The following PSG5 variants were observed in gnomAD, a reference collection of about 807,000 sequenced individuals.
The protein encoded by PSG5 is pregnancy-specific beta-1-glycoprotein 5.
A neutral mutation model predicts 37.7 loss-of-function variants in PSG5; 53 were observed. The ratio of observed to expected loss-of-function variants is 1.41; its 90% CI spans 1.13 to 1.77. PSG5 has a LOEUF of 1.77. Among genes scored for constraint, PSG5 ranks in the 40% most tolerant of loss-of-function variants. The probability of loss-of-function intolerance (pLI) is 0.00; values close to 1 mark genes in which losing one functional copy is unlikely to be tolerated. For missense variants in PSG5, 547 were observed against 405.2 expected (o/e 1.35, Z -3.00); for synonymous variants, 221 against 155.4 (o/e 1.42, Z -3.14).
chr19:43,185,734 G>A (rs1293709843), intron 1 of PSG5, among the ~76,000 whole-genome samples: 1 of 151,550 alleles, frequency 6.6e-6, no homozygotes, highest in East Asian at 1.9e-4. Context: ...CCACACCCTT[G>A]GTGTTTTATT....
intron 4 of PSG5, among the ~76,000 whole-genome samples, chr19:43,172,849 A>G (rs1968932761): frequency 6.6e-6 from 1 of 151,604 alleles, no homozygotes; most frequent in Non-Finnish European, 1.5e-5. Flanking sequence ...TCAGAATCTC[A>G]GTGACATTTT....
chr19:43,171,525 G>A (rs1372082994), intron 4 of PSG5: 6 of 312,296 alleles, frequency 1.9e-5, no homozygotes, highest in Non-Finnish European at 3.6e-5. Flanking sequence ...AAGGATTAGA[G>A]TGGACATAAA....
intron 2 of PSG5, among the ~76,000 whole-genome samples, chr19:43,181,346 A>G (rs2122232724): frequency 6.6e-6 from 1 of 151,832 alleles, no homozygotes; most frequent in African/African-American, 2.4e-5. Context: ...ACTCTTATTG[A>G]ACTTTCCTTT....
In PSG5 at chr19:43,173,123, A is replaced by T. The variant is rs1968937700; in HGVS notation, c.964+2092T>A. On this transcript the variant is annotated intron_variant, in intron 4 of 5. Coordinates refer to ENST00000342951, the MANE Select transcript of PSG5 (RefSeq NM_002781.4). ...AGTGTTCCAAGATCATTCAATGGGG[A>T]ACGGACAGTGTTCTCACCAAATGAT... Among the ~76,000 whole-genome samples the T allele has an allele frequency of 5.9e-5, 9 of 151,784 alleles. No homozygotes were observed. In the South Asian group the frequency reaches 1.9e-3, roughly 31 times the overall value.
At chr19:43,175,717 C>T in intron 3 of PSG5, 153 bp downstream of exon 3, 1 of 1,469,822 alleles carries the variant, frequency 6.8e-7, no homozygotes, top group African/African-American at 1.4e-5. Context: ...CTGTGCCTAC[C>T]TAGGTTTTCC....
At position 43,185,134 on chromosome 19, in the gene PSG5, G is replaced by A. The variant is rs2122246126; in HGVS notation, c.78C>T (p.Asn26=). The change falls in exon 2 of 6, where the codon AAC becomes AAT. Residue 26 remains asparagine (N), a synonymous_variant. Coordinates refer to ENST00000342951, the MANE Select transcript of PSG5 (RefSeq NM_002781.4). ...GAGCAGTGATAGGCAGGTTCCAGAA[G>A]TTTAAAAGTGATGCTAGGAGGTGGA... is the stretch of plus-strand genomic sequence containing the variant. ...KGLLLTASLL[N]FWNLPITAQV... The A allele has an allele frequency of 1.9e-6, 3 of 1,605,190 alleles. 1 individual carries two copies. In the South Asian group the frequency reaches 3.3e-5, roughly 18 times the overall value.
In PSG5 at chr19:43,180,039, T is replaced by C. The variant is rs138524641; in HGVS notation, c.431-3891A>G. On this transcript the variant is annotated intron_variant, in intron 2 of 5. Transcript: ENST00000342951. ...AAGTCTGGCCCTCATGGACCATATGTGTTTGGTGGATATTAGACCAATATT... is the reference window on the plus strand; with the variant it reads ...AAGTCTGGCCCTCATGGACCATATGCGTTTGGTGGATATTAGACCAATATT... 1.3e-3 allele frequency among the ~76,000 whole-genome samples: 197 copies of C among 151,736 alleles called. 4 individuals carry two copies. Among genetic ancestry groups the C allele is most frequent in the Middle Eastern group, 0.01 (3 of 294 alleles).
At chr19:43,177,225 T>C (rs930562380) in intron 2 of PSG5, among the ~76,000 whole-genome samples, 3 of 151,474 alleles carry the variant, frequency 2.0e-5, no homozygotes, top group African/African-American at 7.3e-5. Flanking sequence ...TGTTCATGGG[T>C]GTGCAGTTTC....
At position 43,179,228 on chromosome 19, in the gene PSG5, G is replaced by C. The variant is rs1050700374; in HGVS notation, c.431-3080C>G. The C allele has an allele frequency of 1.9e-4, 274 of 1,460,838 alleles. 7 individuals carry two copies. The highest frequency in any genetic ancestry group is 2.5e-4 in the Admixed American group (13 of 53,028). The allele number at this position is 1,460,838 out of a possible 1,614,324, so 90.5% of individuals were successfully genotyped here. A position where few individuals can be genotyped will look rare whatever the true frequency, so the allele number is the denominator to read the frequency against. On this transcript the variant is annotated intron_variant, in intron 2 of 5. Transcript: ENST00000342951. Reference sequence around the variant, plus strand: ...TTCCTCCAAAGGCACTTTTCAATCAGAGTTGGCATTTCCCACCTGTCAGCC... The same window carrying C: ...TTCCTCCAAAGGCACTTTTCAATCACAGTTGGCATTTCCCACCTGTCAGCC...
At chr19:43,177,687 G>T (rs1401764728) in intron 2 of PSG5, among the ~76,000 whole-genome samples, 1 of 151,440 alleles carries the variant, frequency 6.6e-6, no homozygotes, top group African/African-American at 2.4e-5. Context: ...CTCAGTGTTT[G>T]TGTTGTGGCA....
At chr19:43,186,184 G>A (rs1169421463) in intron 1 of PSG5, among the ~76,000 whole-genome samples, 158 bp downstream of exon 1, 1 of 151,150 alleles carries the variant, frequency 6.6e-6, no homozygotes, top group East Asian at 1.9e-4. Flanking sequence ...CACTGTGTTG[G>A]CAGGACTGAC....
chr19:43,177,628 G>C (rs62115020), intron 2 of PSG5, among the ~76,000 whole-genome samples: 6,980 of 151,250 alleles, frequency 0.046, 348 homozygotes, highest in Non-Finnish European at 0.063. Context: ...GCTGATTGCT[G>C]TCTTCTATGT....
chr19:43,186,046 G>A (rs112686058), intron 1 of PSG5, among the ~76,000 whole-genome samples: 7,582 of 150,248 alleles, frequency 0.05, 375 homozygotes, highest in Middle Eastern at 0.079. Context: ...GTGCTATCTC[G>A]GCTCGCTGCA....
intron 4 of PSG5, chr19:43,171,593 CA>C (rs1968906130): frequency 2.0e-6 from 1 of 493,120 alleles, no homozygotes; most frequent in South Asian, 8.1e-5. Flanking sequence ...GTTGATTCTT[CA>C]AAATAAAATC....
rs190596998 is a variant in PSG5, at chr19:43,170,004, G to C, written c.*40+51C>G. On this transcript the variant is annotated intron_variant, in intron 5 of 5. Transcript: ENST00000342951. ...CAAATAAGTCTTTTCCCTCTCCCAA[G>C]CATGGCAGTCAGCCCTGCAGGAACC... 1,015 of 1,183,800 alleles carry C rather than the reference G, an allele frequency of 8.6e-4. 29 individuals carry two copies. In the African/African-American group the frequency reaches 0.01, roughly 12 times the overall value. 73.3% of individuals were successfully genotyped at this position (1,183,800 alleles called of 1,614,324 possible).
intron 2 of PSG5, among the ~76,000 whole-genome samples, chr19:43,183,030 G>T (rs1007878670): frequency 9.9e-5 from 15 of 151,018 alleles, no homozygotes; most frequent in African/African-American, 3.7e-4. Flanking sequence ...AAGGCCTAGG[G>T]GTGGGGGAAG....
chr19:43,176,434 C>T (rs1418675030), intron 2 of PSG5, among the ~76,000 whole-genome samples: 1 of 151,578 alleles, frequency 6.6e-6, no homozygotes, highest in East Asian at 1.9e-4. Flanking sequence ...CCTGGTACCC[C>T]TCCCAGTCCC....
rs140681374 is a variant in PSG5 at position 43,172,079 on chromosome 19, A to G, written c.965-1941T>C. Among the ~76,000 whole-genome samples the G allele has an allele frequency of 1.7e-3, 253 of 151,648 alleles. 4 individuals carry two copies. Among genetic ancestry groups the G allele is most frequent in the African/African-American group, 5.7e-3 (237 of 41,284 alleles). ...TTATGAAAGTACTATAAATAATTTTATGCAAATAAATTGGATAACCTAGAT... is the reference window on the plus strand; with the variant it reads ...TTATGAAAGTACTATAAATAATTTTGTGCAAATAAATTGGATAACCTAGAT... On this transcript the variant is annotated intron_variant, in intron 4 of 5. Transcript: ENST00000342951.
Position 43,185,101 on chromosome 19 carries a change from C to T in PSG5, c.111G>A (p.Thr37=), listed in dbSNP as rs779213247. The change falls in exon 2 of 6, where the codon ACG becomes ACA. Residue 37 remains threonine, a synonymous_variant. Transcript: ENST00000342951. ...FWNLPITAQV[T]IEALPPKVSE... is the part of the protein sequence containing the mutation. ...AAACTTTGGGTGGCAGGGCTTCAAT[C>T]GTGACTTGAGCAGTGATAGGCAGGT... The T allele has an allele frequency of 3.1e-6, 5 of 1,611,166 alleles. No individual in the cohort carries two copies. The highest frequency in any genetic ancestry group is 4.5e-5 in the East Asian group (2 of 44,864).
Sources: allele counts gnomAD v4.1 joint callset (sites outside exome capture counted in the v4.1 genomes callset), GRCh38; gene constraint gnomAD v4.1.1; transcripts MANE v1.5; gene names NCBI Gene and HGNC (gene_info 2026-07-23, HGNC 2026-07-21).